EDIL3: variants seen among roughly 807,000 people sequenced by gnomAD.
EDIL3 encodes EGF-like repeat and discoidin I-like domain-containing protein 3.
EDIL3 carries 37 observed loss-of-function variants against 67.4 expected under a neutral mutation model. That is an observed-to-expected ratio of 0.55 (90% CI 0.42 to 0.72). The LOEUF (loss-of-function observed/expected upper bound fraction) is 0.72. Among genes scored for constraint, EDIL3 ranks in the 30% least tolerant of loss-of-function variants. The probability of loss-of-function intolerance (pLI) is 0.00; values close to 1 mark genes in which losing one functional copy is unlikely to be tolerated. For synonymous variants in EDIL3, 195 were observed against 196.3 expected (o/e 0.99, Z 0.05); for missense variants, 527 against 586.3 (o/e 0.90, Z 1.04).
chr5:84,230,763 ATGTG>A lies in EDIL3; in HGVS notation c.197-883_197-880del, dbSNP rs59552122. ...CTCTCTCTCTCTCTCCCACTACGTG[ATGTG>A]TGTGTGTGTGTGTGTGTGTGTGTGT... On this transcript the variant is annotated intron_variant, in intron 2 of 10. Coordinates refer to ENST00000296591, the MANE Select transcript of EDIL3 (RefSeq NM_005711.5). Among the ~76,000 whole-genome samples, 976 of 137,218 alleles carry A rather than the reference ATGTG, an allele frequency of 7.1e-3. 10 individuals carry two copies. Among genetic ancestry groups the A allele is most frequent in the African/African-American group, 0.021 (753 of 36,334 alleles). The allele number at this position is 137,218 out of a possible 152,430, so 90.0% of individuals were successfully genotyped here. A position where few individuals can be genotyped will look rare whatever the true frequency, so the allele number is the denominator to read the frequency against.
At chr5:84,230,790 T>TGTGTGTGTGTGA (rs1271201331) in intron 2 of EDIL3, among the ~76,000 whole-genome samples, 1 of 152,046 alleles carries the variant, frequency 6.6e-6, no homozygotes, top group South Asian at 2.1e-4. Flanking sequence ...TGTGTGTGTG[T>TGTGTGTGTGTGA]GTGTGTGTGA....
At position 84,288,763 on chromosome 5, in the gene EDIL3, TG is replaced by T. The variant is rs535826598; in HGVS notation, c.68-34552del. Among the ~76,000 whole-genome samples, 708 of 152,272 alleles carry T rather than the reference TG, an allele frequency of 4.6e-3. 2 individuals carry two copies. Among genetic ancestry groups the T allele is most frequent in the Middle Eastern group, 0.017 (5 of 292 alleles). On this transcript the variant is annotated intron_variant, in intron 1 of 10. Coordinates refer to ENST00000296591, the MANE Select transcript of EDIL3 (RefSeq NM_005711.5). Reference sequence around the variant, plus strand: ...TGCAGGTCTTCCTGACCCCAAATCCTGGCCTTCCTTAGGAACACTGATCACC... The same window carrying T: ...TGCAGGTCTTCCTGACCCCAAATCCTGCCTTCCTTAGGAACACTGATCACC...
intron 5 of EDIL3, among the ~76,000 whole-genome samples, chr5:84,119,195 T>C (rs552901582): frequency 6.7e-6 from 1 of 150,242 alleles, no homozygotes; most frequent in African/African-American, 2.4e-5. Context: ...AGTTCAGCCA[T>C]GTTTTACATG....
chr5:84,087,788 A>G (rs1201400198), intron 6 of EDIL3, among the ~76,000 whole-genome samples: 1 of 152,218 alleles, frequency 6.6e-6, no homozygotes, highest in Non-Finnish European at 1.5e-5. Context: ...AATGGAATCT[A>G]GTTGAGGAGA....
rs561363503 is a variant in EDIL3, at chr5:83,941,426, A to G, written c.*1993T>C. The G allele has an allele frequency of 4.6e-5, 7 of 152,166 alleles. No individual in the cohort carries two copies. The highest frequency in any genetic ancestry group is 8.8e-5 in the Non-Finnish European group (6 of 67,920). The allele number at this position is 152,166 out of a possible 1,614,324, so 9.4% of individuals were successfully genotyped here. A position where few individuals can be genotyped will look rare whatever the true frequency, so the allele number is the denominator to read the frequency against. On this transcript the variant is annotated 3_prime_UTR_variant, in exon 11 of 11. Coordinates refer to ENST00000296591, the MANE Select transcript of EDIL3 (RefSeq NM_005711.5). ...ATAAATAATTTTGAAAAACTATATC[A>G]TCATAAAGCGTAAGTAATAATCTTA...
At chr5:83,962,131 G>A (rs1036135336) in intron 10 of EDIL3, among the ~76,000 whole-genome samples, 1 of 151,374 alleles carries the variant, frequency 6.6e-6, no homozygotes, top group African/African-American at 2.4e-5. Context: ...TGTTTCTGGG[G>A]AAATTTATAA....
At chr5:84,357,238 T>G (rs771040775) in intron 1 of EDIL3, among the ~76,000 whole-genome samples, 1 of 152,034 alleles carries the variant, frequency 6.6e-6, no homozygotes, top group African/African-American at 2.4e-5. Context: ...AAAACAATCT[T>G]TCTAATGTCT....
At position 84,374,917 on chromosome 5, in the gene EDIL3, T is replaced by G. The variant is rs1373080744; in HGVS notation, c.67+9391A>C. Among the ~76,000 whole-genome samples the G allele has an allele frequency of 3.3e-5, 5 of 151,896 alleles. No individual in the cohort carries two copies. In the South Asian group the frequency reaches 6.2e-4, roughly 19 times the overall value. On this transcript the variant is annotated intron_variant, in intron 1 of 10. Transcript: ENST00000296591. ...CTCTCCAGCCATGTGGAACTGTGAG[T>G]CAATTAAATTAAACCTCCTTCCTTT...
chr5:84,052,509 C>A (rs1746359678), intron 9 of EDIL3, among the ~76,000 whole-genome samples: 1 of 152,062 alleles, frequency 6.6e-6, no homozygotes, highest in Non-Finnish European at 1.5e-5. Flanking sequence ...AAGACACAGA[C>A]TGGCAAATTG....
intron 6 of EDIL3, among the ~76,000 whole-genome samples, chr5:84,073,879 T>C (rs1381699635): frequency 7.9e-5 from 12 of 152,002 alleles, no homozygotes; most frequent in African/African-American, 1.4e-4. Context: ...AAAAAGAGCC[T>C]GCATTGCCAA....
At chr5:83,975,180 C>CTTAGACTTTACTTCT (rs2112142515) in intron 9 of EDIL3, among the ~76,000 whole-genome samples, 1 of 152,036 alleles carries the variant, frequency 6.6e-6, no homozygotes, top group East Asian at 1.9e-4. Flanking sequence ...CAATAAGATG[C>CTTAGACTTTACTTCT]TTAGACTTTA....
chr5:84,225,072 G>T (rs1308097748), intron 3 of EDIL3, among the ~76,000 whole-genome samples: 7 of 151,478 alleles, frequency 4.6e-5, no homozygotes, highest in African/African-American at 1.5e-4. Context: ...TAAATAAAAA[G>T]AAGCTTCTGG....
chr5:84,249,014 T>G (rs759851445), intron 2 of EDIL3, among the ~76,000 whole-genome samples: 13 of 152,170 alleles, frequency 8.5e-5, no homozygotes, highest in Non-Finnish European at 1.8e-4. Flanking sequence ...AGTTGAAATT[T>G]TTTTAAACAC....
chr5:84,364,866 T>C (rs1484507825), intron 1 of EDIL3, among the ~76,000 whole-genome samples: 1 of 152,060 alleles, frequency 6.6e-6, no homozygotes, highest in African/African-American at 2.4e-5. Flanking sequence ...TATTTTTTAA[T>C]TCATCCAAAC....
intron 2 of EDIL3, among the ~76,000 whole-genome samples, chr5:84,248,923 T>C (rs1744966090): frequency 6.6e-6 from 1 of 152,024 alleles, no homozygotes; most frequent in African/African-American, 2.4e-5. Flanking sequence ...CTTCAAATTG[T>C]CCCCCTGCTG....
chr5:83,977,523 A>G (rs995473501), intron 9 of EDIL3, among the ~76,000 whole-genome samples: 1 of 151,736 alleles, frequency 6.6e-6, no homozygotes, highest in Non-Finnish European at 1.5e-5. Flanking sequence ...CAGAGAATAT[A>G]TGTTTTCTGA....
chr5:84,143,097 A>T lies in EDIL3; in HGVS notation c.356-5743T>A, dbSNP rs1399555625. Among the ~76,000 whole-genome samples, 3 of 151,964 alleles carry T rather than the reference A, an allele frequency of 2.0e-5. No individual in the cohort carries two copies. The East Asian group carries it at 5.8e-4, about 29-fold the overall frequency. On this transcript the variant is annotated intron_variant, in intron 4 of 10. Transcript: ENST00000296591. ...CTTATTTAAAGCCTATGATCTTTCA[A>T]TTTCTCTTTAAAGATTGAATTTCTA... is the stretch of plus-strand genomic sequence containing the variant.
At chr5:83,998,687 T>C (rs1212607538) in intron 9 of EDIL3, among the ~76,000 whole-genome samples, 1 of 152,196 alleles carries the variant, frequency 6.6e-6, no homozygotes, top group Non-Finnish European at 1.5e-5. Context: ...AAACCAGCCC[T>C]GGGGCAAGAA....
chr5:84,208,685 CAAAAAAAAAA>C (rs70975546), intron 3 of EDIL3, among the ~76,000 whole-genome samples: 11 of 59,412 alleles, frequency 1.9e-4, no homozygotes, highest in Admixed American at 8.1e-4. Context: ...GACTCCGTCT[CAAAAAAAAAA>C]AAAAAAAAAA....
Sources: allele counts gnomAD v4.1 joint callset (sites outside exome capture counted in the v4.1 genomes callset), GRCh38; gene constraint gnomAD v4.1.1; transcripts MANE v1.5; gene names NCBI Gene and HGNC (gene_info 2026-07-23, HGNC 2026-07-21).